The following DCTN5 variants were observed in gnomAD, a reference collection of about 807,000 sequenced individuals.
DCTN5 encodes dynactin subunit 5, also known as dynactin 4.
DCTN5 carries 14 observed loss-of-function variants against 23.5 expected under a neutral mutation model. That is an observed-to-expected ratio of 0.60 (90% CI 0.39 to 0.93). The LOEUF is 0.93. Among genes scored for constraint, DCTN5 ranks in the 40% least tolerant of loss-of-function variants. The pLI, the probability that DCTN5 is intolerant of heterozygous loss-of-function variation, is 0.00. For synonymous variants in DCTN5, 67 were observed against 79.6 expected (o/e 0.84, Z 0.84); for missense variants, 156 against 225.9 (o/e 0.69, Z 1.98).
Position 23,668,966 on chromosome 16 carries a change from TG to T in DCTN5, c.*1825del, listed in dbSNP as rs1967956571. The T allele has an allele frequency of 6.6e-6, 1 of 152,568 alleles. No individual in the cohort carries two copies. The highest frequency in any genetic ancestry group is 6.5e-5 in the Admixed American group (1 of 15,274). 9.5% of individuals were successfully genotyped at this position (152,568 alleles called of 1,614,324 possible). ...CTTTTCTTCATCCAAAACAAGGTGA[TG>T]GGAAGACAAAAACAATAGCTACTAC... is the stretch of plus-strand genomic sequence containing the variant. On this transcript the variant is annotated 3_prime_UTR_variant, in exon 6 of 6. Transcript: ENST00000300087.
At chr16:23,662,066 C>A (rs951990425) in intron 4 of DCTN5, among the ~76,000 whole-genome samples, 9 of 149,080 alleles carry the variant, frequency 6.0e-5, no homozygotes, top group Non-Finnish European at 4.4e-5. Flanking sequence ...AAAAAAAAAA[C>A]CCAAAAGTTA....
In DCTN5 at chr16:23,667,253, C is replaced by T; in HGVS notation, c.*109C>T. 1 of 1,380,020 alleles carries T rather than the reference C, an allele frequency of 7.2e-7. No individual in the cohort carries two copies. 85.5% of individuals were successfully genotyped at this position (1,380,020 alleles called of 1,614,324 possible). The stretch of plus-strand genomic sequence containing the variant: ...TTTTGTGTCTTTGACATCTACCACC[C>T]TCCTCCTTTTAAAAAATTTCTTTAG... On this transcript the variant is annotated 3_prime_UTR_variant, in exon 6 of 6. Transcript: ENST00000300087.
intron 3 of DCTN5, 63 bp downstream of exon 3, chr16:23,658,688 A>G (rs1304042421): frequency 1.6e-6 from 2 of 1,290,078 alleles, no homozygotes; most frequent in African/African-American, 1.5e-5. Context: ...GGTGTGGTCC[A>G]TGTGTTGAGT....
At chr16:23,659,583 T>C (rs776481697) in intron 3 of DCTN5, among the ~76,000 whole-genome samples, 1 of 152,206 alleles carries the variant, frequency 6.6e-6, no homozygotes, top group Non-Finnish European at 1.5e-5. Context: ...TGACAGCTAC[T>C]ATATGATGTG....
chr16:23,645,100 TATATATATATATATATATATATATATA>T (rs1967404724), intron 2 of DCTN5, among the ~76,000 whole-genome samples: 3 of 24,710 alleles, frequency 1.2e-4, no homozygotes, highest in African/African-American at 6.1e-4. Flanking sequence ...TATATATATA[TATATATATATATATATATATATATATA>T]TATATATATA....
rs1436176708 is a variant in DCTN5 at position 23,667,363 on chromosome 16, T to A, written c.*219T>A. On this transcript the variant is annotated 3_prime_UTR_variant, in exon 6 of 6. Transcript: ENST00000300087. ...GAGGAGCTGTCTTCAAATGCTGTGC[T>A]TACACCTTATCTATGAACAGTCACT... The A allele has an allele frequency of 6.9e-6, 4 of 579,152 alleles. No homozygotes were observed. The highest frequency in any genetic ancestry group is 4.6e-4 in the Middle Eastern group (1 of 2,160). The allele number at this position is 579,152 out of a possible 1,614,324, so 35.9% of individuals were successfully genotyped here.
In DCTN5 at chr16:23,663,672, C is replaced by T. The variant is rs376918687; in HGVS notation, c.349-1954C>T. 2.4e-4 allele frequency among the ~76,000 whole-genome samples: 36 copies of T among 151,860 alleles called. No homozygotes were observed. The East Asian group carries it at 3.9e-3, about 16-fold the overall frequency. ...TGGAGGTTGCAGTGAGCCGAGATCG[C>T]GCCACTGCACTCCAGCCTGGGCAAC... On this transcript the variant is annotated intron_variant, in intron 4 of 5. Coordinates refer to ENST00000300087, the MANE Select transcript of DCTN5 (RefSeq NM_032486.4).
Position 23,671,087 on chromosome 16 carries a change from G to A in DCTN5, c.*3943G>A, listed in dbSNP as rs1967998345. 1 of 152,194 alleles carries A rather than the reference G, an allele frequency of 6.6e-6. No homozygotes were observed. Among genetic ancestry groups the A allele is most frequent in the East Asian group, 1.9e-4 (1 of 5,196 alleles). The allele number at this position is 152,194 out of a possible 1,614,324, so 9.4% of individuals were successfully genotyped here. ...GGGGCCCATTTTGAGAGCCATCATAGTGGTGAGGAGTGTGAGTGCTAGAGT... is the reference window on the plus strand; with the variant it reads ...GGGGCCCATTTTGAGAGCCATCATAATGGTGAGGAGTGTGAGTGCTAGAGT... On this transcript the variant is annotated 3_prime_UTR_variant, in exon 6 of 6. Coordinates refer to ENST00000300087, the MANE Select transcript of DCTN5 (RefSeq NM_032486.4).
At chr16:23,665,833 T>C in intron 5 of DCTN5, 105 bp downstream of exon 5, 3 of 903,786 alleles carry the variant, frequency 3.3e-6, no homozygotes, top group South Asian at 1.6e-5. Flanking sequence ...AATATGTTGA[T>C]AGAGCTAACT....
intron 2 of DCTN5, among the ~76,000 whole-genome samples, chr16:23,646,346 T>C (rs1237733294): frequency 2.0e-5 from 3 of 152,192 alleles, no homozygotes; most frequent in Non-Finnish European, 2.9e-5. Context: ...TTATCAGATA[T>C]ATGATTTGCA....
chr16:23,662,171 T>TA (rs1370540301), intron 4 of DCTN5, among the ~76,000 whole-genome samples: 1 of 152,186 alleles, frequency 6.6e-6, no homozygotes, highest in Non-Finnish European at 1.5e-5. Flanking sequence ...CTTATTGCCT[T>TA]ACTTCACGGA....
chr16:23,650,586 A>T (rs1472431929), intron 2 of DCTN5, among the ~76,000 whole-genome samples: 1 of 151,388 alleles, frequency 6.6e-6, no homozygotes, highest in East Asian at 1.9e-4. Context: ...TGGCCTCCCA[A>T]AGTGCTGGGA....
chr16:23,647,342 T>G (rs1967488514), intron 2 of DCTN5, among the ~76,000 whole-genome samples: 1 of 152,132 alleles, frequency 6.6e-6, no homozygotes, highest in South Asian at 2.1e-4. Flanking sequence ...ACTCCTGACC[T>G]CAGGTGATCC....
rs1352885825 is a variant in DCTN5, at chr16:23,674,302, A to G, written c.*7158A>G. On this transcript the variant is annotated 3_prime_UTR_variant, in exon 6 of 6. Transcript: ENST00000300087. ...CCTGGCTGAAAAGGGCTTATTCTCT[A>G]ATGGGACCATCTAAGATCAAGCTGC... 1 of 152,192 alleles carries G rather than the reference A, an allele frequency of 6.6e-6. No individual in the cohort carries two copies. The highest frequency in any genetic ancestry group is 1.5e-5 in the Non-Finnish European group (1 of 68,034). 9.4% of individuals were successfully genotyped at this position (152,192 alleles called of 1,614,324 possible).
chr16:23,667,217 C>T lies in DCTN5; in HGVS notation c.*73C>T. 1 of 1,581,742 alleles carries T rather than the reference C, an allele frequency of 6.3e-7. No individual in the cohort carries two copies. The highest frequency in any genetic ancestry group is 8.6e-7 in the Non-Finnish European group (1 of 1,158,874). ...GGGGACAAAGTGAGCCAGTCAGCAC[C>T]TACAAAGAGCTTTTGTGTCTTTGAC... On this transcript the variant is annotated 3_prime_UTR_variant, in exon 6 of 6. Coordinates refer to ENST00000300087, the MANE Select transcript of DCTN5 (RefSeq NM_032486.4).
rs141515908 is a variant in DCTN5 at position 23,651,148 on chromosome 16, T to G, written c.118-7359T>G. On this transcript the variant is annotated intron_variant, in intron 2 of 5. Coordinates refer to ENST00000300087, the MANE Select transcript of DCTN5 (RefSeq NM_032486.4). Reference sequence around the variant, plus strand: ...TAAAAATGCTGCATGAGCCAAACAATACAGGTTTGCAAGTATAGTCCTTCA... The same window carrying G: ...TAAAAATGCTGCATGAGCCAAACAAGACAGGTTTGCAAGTATAGTCCTTCA... The G allele has an allele frequency of 1.4e-5, 17 of 1,209,002 alleles. 1 individual carries two copies. In the East Asian group the frequency reaches 6.7e-4, roughly 47 times the overall value. The allele number at this position is 1,209,002 out of a possible 1,614,324, so 74.9% of individuals were successfully genotyped here.
intron 2 of DCTN5, among the ~76,000 whole-genome samples, chr16:23,645,135 ATATTTT>A (rs1967425290): frequency 4.0e-5 from 1 of 24,806 alleles, no homozygotes; most frequent in Non-Finnish European, 6.7e-5. Flanking sequence ...ATATATATAT[ATATTTT>A]TTTTTTTTTT....
Position 23,677,388 on chromosome 16 carries a change from A to G in DCTN5, c.*10244A>G, listed in dbSNP as rs1959236103. 1 of 152,240 alleles carries G rather than the reference A, an allele frequency of 6.6e-6. No homozygotes were observed. Among genetic ancestry groups the G allele is most frequent in the Non-Finnish European group, 1.5e-5 (1 of 68,046 alleles). 9.4% of individuals were successfully genotyped at this position (152,240 alleles called of 1,614,324 possible). A position where few individuals can be genotyped will look rare whatever the true frequency, so the allele number is the denominator to read the frequency against. On this transcript the variant is annotated 3_prime_UTR_variant, in exon 6 of 6. Transcript: ENST00000300087. ...AGTTTGTGAAAATTCACTGAGCTCT[A>G]TGAACAATTATAATATGTACATTTT...
intron 3 of DCTN5, among the ~76,000 whole-genome samples, chr16:23,659,522 G>T (rs1967773431): frequency 6.6e-6 from 1 of 152,176 alleles, no homozygotes; most frequent in Non-Finnish European, 1.5e-5. Flanking sequence ...CTGCCTCAAG[G>T]TTCCCAAAGT....
Sources: allele counts gnomAD v4.1 joint callset (sites outside exome capture counted in the v4.1 genomes callset), GRCh38; gene constraint gnomAD v4.1.1; transcripts MANE v1.5; gene names NCBI Gene and HGNC (gene_info 2026-07-23, HGNC 2026-07-21).